INPP5J: variants seen among roughly 807,000 people sequenced by gnomAD.
INPP5J encodes phosphatidylinositol 4,5-bisphosphate 5-phosphatase A.
Under a neutral mutation model 86.6 loss-of-function variants are expected in INPP5J, and 75 were observed. The observed-to-expected ratio is 0.87, with a 90% CI of 0.72 to 1.05. The LOEUF (loss-of-function observed/expected upper bound fraction) is 1.05, where lower values mean the gene tolerates loss of function less well. Among genes scored for constraint, INPP5J ranks in the 50% least tolerant of loss-of-function variants. The pLI is 0.00. For missense variants in INPP5J, 1,229 were observed against 1,341.2 expected, an observed-to-expected ratio of 0.92 and a Z score of 1.31; for synonymous variants, 540 against 550.0, an observed-to-expected ratio of 0.98 and a Z score of 0.25.
Position 31,126,398 on chromosome 22 carries a change from G to A in INPP5J, c.1294G>A (p.Val432Met), listed in dbSNP as rs373386113. Residue 432 changes from valine to methionine, a missense_variant, in exon 3 of 13, where the codon GTG becomes ATG. By Grantham distance (21) the Val-to-Met change is conservative (BLOSUM62 1). Transcript: ENST00000331075. ...CAGGATCACTGTGGTCACATGGAAC[G>A]TGGGCACTGCCATGCCCCCAGACGA... ...GFRITVVTWN[V>M]GTAMPPDDVT... 31 of 1,613,558 alleles carry A rather than the reference G, an allele frequency of 1.9e-5. No individual in the cohort carries two copies. The highest frequency in any genetic ancestry group is 2.3e-5 in the Non-Finnish European group (27 of 1,179,788).
At chr22:31,123,242 C>CT in intron 1 of INPP5J, 123 bp downstream of exon 1, 2 of 592,110 alleles carry the variant, frequency 3.4e-6, no homozygotes, top group Non-Finnish European at 5.6e-6. Flanking sequence ...CTCTGCTCAG[C>CT]GAGCAGGGGC....
In INPP5J at chr22:31,127,014, C is replaced by T. The variant is rs377667069; in HGVS notation, c.1588C>T (p.Arg530Cys). 1.0e-5 allele frequency: 16 copies of T among 1,604,500 alleles called. No homozygotes were observed. The highest frequency in any genetic ancestry group is 2.7e-5 in the African/African-American group (2 of 74,708). The stretch of plus-strand genomic sequence containing the variant: ...GCGAGACGTGCAGACCGACTGCACG[C>T]GCACTGGCCTGGGCGGCTACTGGGT... ...FLRDVQTDCT[R>C]TGLGGYWGNK... The change falls in exon 5 of 13, where the codon CGC becomes TGC. Residue 530 changes from arginine to cysteine, a missense_variant. Arg to Cys is a radical substitution (Grantham distance 180, BLOSUM62 -3). Coordinates refer to ENST00000331075, the MANE Select transcript of INPP5J (RefSeq NM_001284285.2).
chr22:31,134,130 G>A lies in INPP5J; in HGVS notation c.2732G>A (p.Arg911His), dbSNP rs766455506. ...TCCCGTGAACGCCGTGGTGCCAGCC[G>A]TAGCCCCTCACCCCAGAGCCGCCGC... is the stretch of plus-strand genomic sequence containing the variant. ...PSSRERRGAS[R>H]SPSPQSRRLS... Residue 911 changes from arginine to histidine, a missense_variant, in exon 13 of 13, where the codon CGT (arginine) becomes CAT (histidine). Coordinates refer to ENST00000331075, the MANE Select transcript of INPP5J (RefSeq NM_001284285.2). 7.7e-6 allele frequency: 12 copies of A among 1,550,330 alleles called. No homozygotes were observed. Among genetic ancestry groups the A allele is most frequent in the East Asian group, 2.4e-5 (1 of 40,912 alleles).
chr22:31,122,855 G>T, upstream of INPP5J: 1 of 515,018 alleles, frequency 1.9e-6, no homozygotes, highest in South Asian at 3.3e-5. Context: ...AGGATTCCCA[G>T]GGGGTAGCCA....
Position 31,128,593 on chromosome 22 carries a change from G to A in INPP5J, c.2132G>A (p.Arg711His), listed in dbSNP as rs367711101. The A allele has an allele frequency of 1.9e-5, 30 of 1,612,424 alleles. No homozygotes were observed. The highest frequency in any genetic ancestry group is 1.7e-4 in the African/African-American group (13 of 74,876). The change falls in exon 9 of 13, where the codon CGC (arginine) becomes CAC (histidine). Residue 711 changes from arginine to histidine, a missense_variant. By Grantham distance (29) the Arg-to-His change is conservative (BLOSUM62 0). Coordinates refer to ENST00000331075, the MANE Select transcript of INPP5J (RefSeq NM_001284285.2). Reference sequence around the variant, plus strand: ...CTCCAGGTGACGCAGCACAGCTACCGCAGCCACATGGAATACACAGTCAGC... The same window carrying A: ...CTCCAGGTGACGCAGCACAGCTACCACAGCCACATGGAATACACAGTCAGC... The part of the protein sequence containing the change: ...HRLQVTQHSY[R>H]SHMEYTVSDH...
In INPP5J at chr22:31,125,569, T is replaced by C; in HGVS notation, c.830T>C (p.Leu277Pro). 1 of 1,549,748 alleles carries C rather than the reference T, an allele frequency of 6.5e-7. No homozygotes were observed. Reference sequence around the variant, plus strand: ...ATCCAAACCTCCCCAGACCCTCGGCTCTCCCCCTCCTTCCGAGCCCGGCCT... The same window carrying C: ...ATCCAAACCTCCCCAGACCCTCGGCCCTCCCCCTCCTTCCGAGCCCGGCCT... Reference protein sequence around the residue: ...PCIQTSPDPRLSPSFRARPEA... With the variant: ...PCIQTSPDPRPSPSFRARPEA... The change falls in exon 2 of 13, where the codon CTC (leucine) becomes CCC (proline). Residue 277 changes from leucine (L) to proline (P), a missense_variant. Coordinates refer to ENST00000331075, the MANE Select transcript of INPP5J (RefSeq NM_001284285.2).
chr22:31,122,954 C>A, upstream of INPP5J: 1 of 1,141,720 alleles, frequency 8.8e-7, no homozygotes, highest in Non-Finnish European at 1.2e-6. Context: ...ATCACTGGTT[C>A]CCGGGAGCGG....
chr22:31,130,787 G>GTT (rs1921997522), intron 9 of INPP5J, among the ~76,000 whole-genome samples: 1 of 152,166 alleles, frequency 6.6e-6, no homozygotes, highest in African/African-American at 2.4e-5. Context: ...AATTTATATT[G>GTT]TATTTAGGAT....
In INPP5J at chr22:31,125,119, C is replaced by A; in HGVS notation, c.380C>A (p.Ala127Glu). Residue 127 changes from alanine to glutamate, a missense_variant, in exon 2 of 13, where the codon GCG becomes GAG. Ala to Glu is a moderately radical substitution (Grantham distance 107). Transcript: ENST00000331075. Reference protein sequence around the residue: ...SASAGPKPPPATTGSVLAPTS... With the variant: ...SASAGPKPPPETTGSVLAPTS... ...TCAGCTGGACCAAAGCCTCCCCCAGCGACCACAGGCTCAGTTCTGGCTCCG... is the reference window on the plus strand; with the variant it reads ...TCAGCTGGACCAAAGCCTCCCCCAGAGACCACAGGCTCAGTTCTGGCTCCG... The A allele has an allele frequency of 6.5e-7, 1 of 1,549,976 alleles. No individual in the cohort carries two copies. Among genetic ancestry groups the A allele is most frequent in the Non-Finnish European group, 8.7e-7 (1 of 1,146,958 alleles).
intron 6 of INPP5J, 124 bp downstream of exon 6, chr22:31,127,656 G>T (rs1053221189): frequency 2.0e-6 from 2 of 990,936 alleles, no homozygotes; most frequent in Admixed American, 5.6e-5. Flanking sequence ...ACCCAAACTA[G>T]TTGTAGGAAC....
rs377363030 is a variant in INPP5J at position 31,124,903 on chromosome 22, C to G, written c.164C>G (p.Pro55Arg). 1.9e-6 allele frequency: 3 copies of G among 1,613,812 alleles called. No homozygotes were observed. The highest frequency in any genetic ancestry group is 2.5e-6 in the Non-Finnish European group (3 of 1,179,870). Residue 55 changes from proline to arginine, a missense_variant, in exon 2 of 13, where the codon CCA becomes CGA. Physicochemically the swap from Pro to Arg is moderately radical, Grantham distance 103 (BLOSUM62 -2). Coordinates refer to ENST00000331075, the MANE Select transcript of INPP5J (RefSeq NM_001284285.2). Reference sequence around the variant, plus strand: ...AACGCAGCCCTAGGACCCTCGGAACCAAGGTTGGCTCTGGCACCTGTAGGG... The same window carrying G: ...AACGCAGCCCTAGGACCCTCGGAACGAAGGTTGGCTCTGGCACCTGTAGGG... The part of the protein sequence containing the change: ...KKNAALGPSE[P>R]RLALAPVGPR...
intron 2 of INPP5J, 162 bp from the exon 3 acceptor site, chr22:31,126,214 G>A (rs930938607): frequency 6.4e-6 from 5 of 785,062 alleles, no homozygotes; most frequent in Admixed American, 2.8e-5. Flanking sequence ...TCTCCCCAGG[G>A]AGAGTGTGGC....
rs763704602 is a variant in INPP5J, at chr22:31,125,573, C to T, written c.834C>T (p.Ser278=). The T allele has an allele frequency of 1.9e-6, 3 of 1,550,554 alleles. No individual in the cohort carries two copies. The highest frequency in any genetic ancestry group is 2.4e-5 in the South Asian group (2 of 84,054). Reference sequence around the variant, plus strand: ...AAACCTCCCCAGACCCTCGGCTCTCCCCCTCCTTCCGAGCCCGGCCTGAGG... The same window carrying T: ...AAACCTCCCCAGACCCTCGGCTCTCTCCCTCCTTCCGAGCCCGGCCTGAGG... ...CIQTSPDPRL[S]PSFRARPEAL... The change falls in exon 2 of 13, where the codon TCC becomes TCT. Residue 278 remains serine (S), a synonymous_variant. Transcript: ENST00000331075.
chr22:31,128,470 G>T lies in INPP5J; in HGVS notation c.2010-1G>T. The T allele has an allele frequency of 6.2e-7, 1 of 1,613,424 alleles. No homozygotes were observed. On this transcript the variant is annotated splice_acceptor_variant, in intron 8 of 12. Coordinates refer to ENST00000331075, the MANE Select transcript of INPP5J (RefSeq NM_001284285.2). LOFTEE classifies it high-confidence loss of function. ...ACTTGGGGTACCCCTGCTCACTGCAGTGCCAAGAAACGGAAGCCAGCTTGG... is the reference window on the plus strand; with the variant it reads ...ACTTGGGGTACCCCTGCTCACTGCATTGCCAAGAAACGGAAGCCAGCTTGG...
At position 31,124,828 on chromosome 22, in the gene INPP5J, G is replaced by T; in HGVS notation, c.106-17G>T. The T allele has an allele frequency of 1.3e-6, 2 of 1,599,010 alleles. No homozygotes were observed. The highest frequency in any genetic ancestry group is 2.2e-5 in the South Asian group (2 of 89,436). ...CTGGTTAGGGTCACTCTGAATCTTT[G>T]ACTTGTCCTCCACAAGGTGGACTCA... On this transcript the variant is annotated splice_polypyrimidine_tract_variant and intron_variant, in intron 1 of 12. Transcript: ENST00000331075.
Position 31,125,535 on chromosome 22 carries a change from C to G in INPP5J, c.796C>G (p.Pro266Ala). Reference sequence around the variant, plus strand: ...TCAGACATCTGGTCCTACAGGCTCCCCACCCTGCATCCAAACCTCCCCAGA... The same window carrying G: ...TCAGACATCTGGTCCTACAGGCTCCGCACCCTGCATCCAAACCTCCCCAGA... ...PAQTSGPTGS[P>A]PCIQTSPDPR... Residue 266 changes from proline to alanine, a missense_variant, in exon 2 of 13, where the codon CCA (proline) becomes GCA (alanine). Physicochemically the swap from Pro to Ala is conservative, Grantham distance 27. Coordinates refer to ENST00000331075, the MANE Select transcript of INPP5J (RefSeq NM_001284285.2). 6.4e-7 allele frequency: 1 copy of G among 1,550,556 alleles called. No individual in the cohort carries two copies. The highest frequency in any genetic ancestry group is 1.2e-5 in the South Asian group (1 of 84,062).
At chr22:31,130,430 C>T (rs1921962901) in intron 9 of INPP5J, among the ~76,000 whole-genome samples, 1 of 151,812 alleles carries the variant, frequency 6.6e-6, no homozygotes, top group South Asian at 2.1e-4. Flanking sequence ...GGGAAGATCA[C>T]TGGAGCTTGG....
intron 1 of INPP5J, chr22:31,124,357 G>T: frequency 1.1e-6 from 1 of 938,474 alleles, no homozygotes; most frequent in Non-Finnish European, 1.3e-6. Context: ...GGAAGGGAGA[G>T]GTATTTAACA....
At chr22:31,123,205 G>T in intron 1 of INPP5J, 86 bp downstream of exon 1, 2 of 812,420 alleles carry the variant, frequency 2.5e-6, no homozygotes, top group Non-Finnish European at 1.8e-6. Context: ...GCTCCCTGGT[G>T]CTCCTGACTG....
Sources: gnomAD v4.1 joint callset for allele counts (sites outside exome capture counted in the v4.1 genomes callset) on GRCh38, gnomAD v4.1.1 for gene constraint, MANE v1.5 for transcripts, NCBI Gene and HGNC (gene_info 2026-07-23, HGNC 2026-07-21) for gene names.